Variants in SCARA3 observed in about 807,000 individuals in gnomAD.
SCARA3 encodes scavenger receptor class A member 3.
Under a neutral mutation model 47.0 loss-of-function variants are expected in SCARA3, and 39 were observed. The observed-to-expected ratio is 0.83, with a 90% CI of 0.64 to 1.08. The LOEUF is 1.08. Among genes scored for constraint, SCARA3 ranks in the 50% least tolerant of loss-of-function variants. The probability of loss-of-function intolerance (pLI) is 0.00; values close to 1 mark genes in which losing one functional copy is unlikely to be tolerated. For synonymous variants in SCARA3, 356 were observed against 334.1 expected, an observed-to-expected ratio of 1.07 and a Z score of -0.71; for missense variants, 724 against 792.3, an observed-to-expected ratio of 0.91 and a Z score of 1.04.
At chr8:27,641,271 G>A (rs1458327864) in intron 1 of SCARA3, among the ~76,000 whole-genome samples, 3 of 152,204 alleles carry the variant, frequency 2.0e-5, no homozygotes, top group African/African-American at 7.2e-5. Flanking sequence ...GCACGAGAAG[G>A]CCTCTTTCCC....
chr8:27,674,472 T>A (rs1308416864), downstream of SCARA3, among the ~76,000 whole-genome samples: 1 of 152,166 alleles, frequency 6.6e-6, no homozygotes, highest in Non-Finnish European at 1.5e-5. Flanking sequence ...TGGTCTTGCC[T>A]CCATTGAGTC....
chr8:27,717,631 A>G, the SCARA3 span, among the ~76,000 whole-genome samples: 9 of 152,234 alleles, frequency 5.9e-5, no homozygotes, highest in South Asian at 1.2e-3. Flanking sequence ...CTAAAAATAC[A>G]AAAATTAGTC....
chr8:27,641,616 C>G (rs1256187843), intron 1 of SCARA3, among the ~76,000 whole-genome samples: 1 of 152,126 alleles, frequency 6.6e-6, no homozygotes, highest in Non-Finnish European at 1.5e-5. Flanking sequence ...AGAACTCAAC[C>G]CTTGGGGACT....
In SCARA3 at chr8:27,658,885, C is replaced by G; in HGVS notation, c.715C>G (p.Arg239Gly). Residue 239 changes from arginine to glycine, a missense_variant, in exon 5 of 6, where the codon CGG becomes GGG. Transcript: ENST00000301904. The part of the protein sequence containing the change: ...QTSEWIHGIQ[R>G]KTDEETLTLQ... The stretch of plus-strand genomic sequence containing the variant: ...TTCCGAGTGGATCCACGGGATCCAG[C>G]GGAAGACAGACGAGGAGACCCTGAC... The G allele has an allele frequency of 6.2e-7, 1 of 1,614,126 alleles. No individual in the cohort carries two copies. Among genetic ancestry groups the G allele is most frequent in the Non-Finnish European group, 8.5e-7 (1 of 1,180,036 alleles).
chr8:27,673,400 C>A (rs978820004), downstream of SCARA3, among the ~76,000 whole-genome samples: 1 of 152,268 alleles, frequency 6.6e-6, no homozygotes, highest in African/African-American at 2.4e-5. Context: ...CAGGCCAGAC[C>A]TGCCCCAAGG....
the SCARA3 span, among the ~76,000 whole-genome samples, chr8:27,719,533 A>G: frequency 1.5e-5 from 2 of 136,782 alleles, no homozygotes; most frequent in Non-Finnish European, 3.0e-5. Flanking sequence ...TTCAAAATAA[A>G]AGTTAAAAAA....
At chr8:27,694,206 A>G in the SCARA3 span, among the ~76,000 whole-genome samples, 1 of 152,212 alleles carries the variant, frequency 6.6e-6, no homozygotes, top group East Asian at 1.9e-4. Context: ...TGAAAGTAAG[A>G]ATCCTTACTT....
intron 3 of SCARA3, among the ~76,000 whole-genome samples, chr8:27,654,190 A>G (rs1372419019): frequency 1.3e-5 from 2 of 152,248 alleles, no homozygotes; most frequent in African/African-American, 4.8e-5. Context: ...TGCTACTTGT[A>G]GAATCTAGGC....
chr8:27,714,192 C>CTT, the SCARA3 span, among the ~76,000 whole-genome samples: 619 of 114,350 alleles, frequency 5.4e-3, 6 homozygotes, highest in African/African-American at 0.022. Flanking sequence ...CTCAGGTATT[C>CTT]CTTTTTTTTT....
At chr8:27,670,739 A>T (rs1802126255) in intron 5 of SCARA3, among the ~76,000 whole-genome samples, 161 bp from the exon 6 acceptor site, 1 of 151,818 alleles carries the variant, frequency 6.6e-6, no homozygotes, top group Non-Finnish European at 1.5e-5. Context: ...CCCTAACCTC[A>T]GTGTGTGTGT....
intron 1 of SCARA3, among the ~76,000 whole-genome samples, chr8:27,639,828 C>G (rs1468528597): frequency 1.3e-5 from 2 of 152,050 alleles, no homozygotes; most frequent in Non-Finnish European, 2.9e-5. Context: ...GAGAAAGTTC[C>G]AAGGGGGAGG....
At chr8:27,642,739 G>T (rs956299632) in intron 1 of SCARA3, among the ~76,000 whole-genome samples, 1 of 152,168 alleles carries the variant, frequency 6.6e-6, no homozygotes, top group African/African-American at 2.4e-5. Context: ...TGGGAGGATC[G>T]TTTGAACCCG....
chr8:27,727,506 G>A, the SCARA3 span, among the ~76,000 whole-genome samples: 1 of 152,142 alleles, frequency 6.6e-6, no homozygotes, highest in African/African-American at 2.4e-5. Context: ...GTCACCTAGA[G>A]TTCCTTCCAG....
chr8:27,677,843 G>C (rs1317708753), downstream of SCARA3, among the ~76,000 whole-genome samples: 1 of 152,148 alleles, frequency 6.6e-6, no homozygotes, highest in Non-Finnish European at 1.5e-5. Flanking sequence ...CAAATCACAG[G>C]AAATATGTTC....
chr8:27,633,995 C>A lies in SCARA3; in HGVS notation c.-206C>A. 3.5e-6 allele frequency: 1 copy of A among 289,082 alleles called. No homozygotes were observed. Among genetic ancestry groups the A allele is most frequent in the Non-Finnish European group, 6.2e-6 (1 of 160,252 alleles). 17.9% of individuals were successfully genotyped at this position (289,082 alleles called of 1,614,324 possible). ...GCGCTAGGCGCCCGGCGGGGCTTCC[C>A]CAGGCTGCGACCCCGCGGGACCCTC... is the stretch of plus-strand genomic sequence containing the variant. On this transcript the variant is annotated 5_prime_UTR_variant, in exon 1 of 6. Coordinates refer to ENST00000301904, the MANE Select transcript of SCARA3 (RefSeq NM_016240.3).
intron 1 of SCARA3, among the ~76,000 whole-genome samples, chr8:27,643,568 G>A (rs1026354436): frequency 7.9e-5 from 12 of 152,174 alleles, no homozygotes; most frequent in African/African-American, 2.4e-4. Flanking sequence ...GGGTAGTGGC[G>A]GAAGGGCTCT....
chr8:27,697,393 G>C, the SCARA3 span: 1 of 54,996 alleles, frequency 1.8e-5, no homozygotes, highest in Non-Finnish European at 5.5e-5. Flanking sequence ...GTGGCCTGAG[G>C]CATCAACTAC....
At chr8:27,709,144 T>C in the SCARA3 span, among the ~76,000 whole-genome samples, 1 of 152,222 alleles carries the variant, frequency 6.6e-6, no homozygotes, top group South Asian at 2.1e-4. Flanking sequence ...TAAATGAACA[T>C]AGTCTTCAGA....
chr8:27,704,850 C>G, the SCARA3 span, among the ~76,000 whole-genome samples: 3 of 152,176 alleles, frequency 2.0e-5, no homozygotes, highest in Non-Finnish European at 4.4e-5. Context: ...CGTGTCCTCT[C>G]TGGAGGGAGG....
Sources: gnomAD v4.1 joint callset for allele counts (sites outside exome capture counted in the v4.1 genomes callset) on GRCh38, gnomAD v4.1.1 for gene constraint, MANE v1.5 for transcripts, NCBI Gene and HGNC (gene_info 2026-07-23, HGNC 2026-07-21) for gene names.